The following COPS9 variants were observed in gnomAD, a reference collection of about 807,000 sequenced individuals.
COPS9 encodes the protein COP9 signalosome complex subunit 9.
Under a neutral mutation model 7.2 loss-of-function variants are expected in COPS9, and 8 were observed. The observed-to-expected ratio is 1.11, with a 90% CI of 0.65 to 2.00. The LOEUF is 2.00. Among genes scored for constraint, COPS9 ranks in the 30% most tolerant of loss-of-function variants. The probability of loss-of-function intolerance (pLI) is 0.00; values close to 1 mark genes in which losing one functional copy is unlikely to be tolerated. For synonymous variants in COPS9, 39 were observed against 28.7 expected, an observed-to-expected ratio of 1.36 and a Z score of -1.14; for missense variants, 74 against 77.7, an observed-to-expected ratio of 0.95 and a Z score of 0.18.
chr2:240,127,312 C>T (rs1396247520), downstream of COPS9, among the ~76,000 whole-genome samples: 1 of 150,956 alleles, frequency 6.6e-6, no homozygotes, highest in Non-Finnish European at 1.5e-5. Context: ...AATTCCAAAC[C>T]ACCCAGAGGC....
chr2:240,127,017 G>A, downstream of COPS9: 2 of 1,535,412 alleles, frequency 1.3e-6, no homozygotes, highest in Non-Finnish European at 1.8e-6. Context: ...AGTGACCTGG[G>A]ACAAGTCATT....
chr2:240,133,832 C>T, intron 2 of COPS9, 101 bp downstream of exon 2: 1 of 1,222,788 alleles, frequency 8.2e-7, no homozygotes, highest in Non-Finnish European at 1.2e-6. Context: ...GCTCTACCAC[C>T]TTATGATCCA....
Position 240,132,591 on chromosome 2 carries a change from G to A in COPS9, c.136+1342C>T, listed in dbSNP as rs1286060318. 2.6e-5 allele frequency among the ~76,000 whole-genome samples: 4 copies of A among 152,176 alleles called. No individual in the cohort carries two copies. Among genetic ancestry groups the A allele is most frequent in the African/African-American group, 9.7e-5 (4 of 41,428 alleles). On this transcript the variant is annotated intron_variant, in intron 2 of 2. Transcript: ENST00000607357. This position sits in a 1 kb window ranked among gnomAD's most constrained non-coding sequence, Gnocchi z 4.1. The stretch of plus-strand genomic sequence containing the variant: ...CCTCTCAGAGATGCTTTCCCGTCAG[G>A]ATTCAAGGGCTGACTCTGGAAGTCA...
At chr2:240,126,673 A>G, downstream of COPS9, 1 of 1,614,116 alleles carries the variant, frequency 6.2e-7, no homozygotes, top group Non-Finnish European at 8.5e-7. Flanking sequence ...GTAGAAACTG[A>G]TATTGTGCTG....
intron 2 of COPS9, among the ~76,000 whole-genome samples, 168 bp downstream of exon 2, chr2:240,133,765 C>T (rs1158154252): frequency 3.9e-5 from 6 of 152,182 alleles, no homozygotes; most frequent in East Asian, 1.9e-4. Flanking sequence ...TGCCAGTGGC[C>T]GCAGCCCGTG....
intron 2 of COPS9, 26 bp from the exon 3 acceptor site, chr2:240,131,114 G>C: frequency 6.2e-7 from 1 of 1,609,886 alleles, no homozygotes; most frequent in Non-Finnish European, 8.5e-7. Context: ...AAACCACGTA[G>C]TTACACCTAC....
chr2:240,136,321 C>G, upstream of COPS9: 1 of 1,532,694 alleles, frequency 6.5e-7, no homozygotes, highest in Non-Finnish European at 8.7e-7. Flanking sequence ...CTTCCGGCCT[C>G]AGAGCCGCTT....
downstream of COPS9, chr2:240,127,034 A>G: frequency 2.1e-6 from 3 of 1,449,364 alleles, no homozygotes; most frequent in African/African-American, 1.4e-5. Context: ...CATTCTGTCC[A>G]GTGAGAAGAC....
In COPS9 at chr2:240,133,858, C is replaced by A. The variant is rs867699455; in HGVS notation, c.136+75G>T. 1.5e-5 allele frequency: 21 copies of A among 1,436,104 alleles called. No homozygotes were observed. In the East Asian group the frequency reaches 2.3e-4, roughly 16 times the overall value. 89.0% of individuals were successfully genotyped at this position (1,436,104 alleles called of 1,614,324 possible). Reference sequence around the variant, plus strand: ...TTATGATCCAAATTATTCATGTCACCAAGTTGCTTCACTGCCTTCACCTAG... The same window carrying A: ...TTATGATCCAAATTATTCATGTCACAAAGTTGCTTCACTGCCTTCACCTAG... On this transcript the variant is annotated intron_variant, in intron 2 of 2. Coordinates refer to ENST00000607357, the MANE Select transcript of COPS9 (RefSeq NM_001163424.2).
In COPS9 at chr2:240,135,881, C is replaced by T. The variant is rs779484782; in HGVS notation, c.63+341G>A. On this transcript the variant is annotated intron_variant, in intron 1 of 2. Coordinates refer to ENST00000607357, the MANE Select transcript of COPS9 (RefSeq NM_001163424.2). Reference sequence around the variant, plus strand: ...GTTATGGAGACGCACCGCGGGCCCCCATGGGGTGCTGCAGCCATCGAAGAG... The same window carrying T: ...GTTATGGAGACGCACCGCGGGCCCCTATGGGGTGCTGCAGCCATCGAAGAG... 211 of 273,086 alleles carry T rather than the reference C, an allele frequency of 7.7e-4. 1 individual carries two copies. The highest frequency in any genetic ancestry group is 1.2e-3 in the Non-Finnish European group (183 of 156,608). 16.9% of individuals were successfully genotyped at this position (273,086 alleles called of 1,614,324 possible).
chr2:240,128,521 C>A (rs2071889449), downstream of COPS9, among the ~76,000 whole-genome samples: 4 of 152,326 alleles, frequency 2.6e-5, no homozygotes, highest in Middle Eastern at 3.4e-3. Context: ...AGCTGTGCTG[C>A]CTTGCTGAGG....
At chr2:240,127,120 C>A (rs1448019125), downstream of COPS9, among the ~76,000 whole-genome samples, 2 of 152,138 alleles carry the variant, frequency 1.3e-5, no homozygotes, top group Non-Finnish European at 2.9e-5. Context: ...TTCCTGGGAC[C>A]CACAGGCTTG....
At chr2:240,136,176 C>T (rs556778720) in intron 1 of COPS9, 46 bp downstream of exon 1, 6 of 1,473,418 alleles carry the variant, frequency 4.1e-6, no homozygotes, top group Non-Finnish European at 5.4e-6. Flanking sequence ...TCCGCTCCCC[C>T]TTCCCCGCTC....
intron 1 of COPS9, chr2:240,134,390 C>G (rs1229589703): frequency 5.4e-6 from 1 of 185,534 alleles, no homozygotes; most frequent in Non-Finnish European, 1.1e-5. Context: ...CCTTCCCTCT[C>G]TCTTCTGGGA....
downstream of COPS9, chr2:240,130,805 C>A: frequency 2.2e-6 from 3 of 1,379,950 alleles, no homozygotes; most frequent in Non-Finnish European, 2.8e-6. Flanking sequence ...CTCATAAGTG[C>A]AAGAAAGAGA....
chr2:240,128,242 C>T (rs760319123), downstream of COPS9, among the ~76,000 whole-genome samples: 35 of 152,162 alleles, frequency 2.3e-4, no homozygotes, highest in Non-Finnish European at 4.3e-4. Flanking sequence ...GCTGGAACCA[C>T]GGTGGAGAAA....
Position 240,132,020 on chromosome 2 carries a change from C to T in COPS9, c.137-932G>A, listed in dbSNP as rs763913856. 5.9e-5 allele frequency among the ~76,000 whole-genome samples: 9 copies of T among 152,190 alleles called. No individual in the cohort carries two copies. The highest frequency in any genetic ancestry group is 1.0e-4 in the Non-Finnish European group (7 of 68,028). On this transcript the variant is annotated intron_variant, in intron 2 of 2. Transcript: ENST00000607357. The surrounding 1 kb of genome is among the most constrained non-coding windows in gnomAD (Gnocchi z 4.1). ...GCACCCCCACGTCCTCACTGCCTCC[C>T]GACTGCTGGTTGTGGTTCGCCGCTA...
intron 2 of COPS9, among the ~76,000 whole-genome samples, chr2:240,131,976 G>A (rs978905541): frequency 1.3e-5 from 2 of 152,260 alleles, no homozygotes; most frequent in African/African-American, 4.8e-5. Flanking sequence ...GGGTCCCGAC[G>A]CTCCCCAGCC....
At position 240,134,805 on chromosome 2, in the gene COPS9, G is replaced by A. The variant is rs888489818; in HGVS notation, c.64-800C>T. 1.8e-4 allele frequency among the ~76,000 whole-genome samples: 28 copies of A among 152,184 alleles called. 1 individual carries two copies. The highest frequency in any genetic ancestry group is 2.1e-4 in the Non-Finnish European group (14 of 68,004). On this transcript the variant is annotated intron_variant, in intron 1 of 2. Transcript: ENST00000607357. ...TGTCCCCATCAGCACAGTAAGCCACGCGCATTCTACCACTTGAAGCTTGTC... is the reference window on the plus strand; with the variant it reads ...TGTCCCCATCAGCACAGTAAGCCACACGCATTCTACCACTTGAAGCTTGTC...
Sources: allele counts gnomAD v4.1 joint callset (sites outside exome capture counted in the v4.1 genomes callset), GRCh38; gene constraint gnomAD v4.1.1; non-coding constraint Gnocchi (gnomAD v3.1); transcripts MANE v1.5; gene names NCBI Gene and HGNC (gene_info 2026-07-23, HGNC 2026-07-21).